The following TUT7 variants were observed in gnomAD, a reference collection of about 807,000 sequenced individuals.
TUT7 encodes the protein terminal uridylyltransferase 7.
A neutral mutation model predicts 165.9 loss-of-function variants in TUT7; 33 were observed. The ratio of observed to expected loss-of-function variants is 0.20; its 90% CI spans 0.15 to 0.27. The LOEUF is 0.27. TUT7 is among the 10% of genes least tolerant of loss of function. The probability of loss-of-function intolerance (pLI) is 1.00; values close to 1 mark genes in which losing one functional copy is unlikely to be tolerated. For missense variants in TUT7, 1,338 were observed against 1,762.3 expected, an observed-to-expected ratio of 0.76 and a Z score of 4.31; for synonymous variants, 552 against 608.1, an observed-to-expected ratio of 0.91 and a Z score of 1.36.
intron 16 of TUT7, among the ~76,000 whole-genome samples, chr9:86,318,290 A>G (rs1484069179): frequency 1.3e-5 from 2 of 152,186 alleles, no homozygotes; most frequent in African/African-American, 4.8e-5. Flanking sequence ...ATGGTCTCTT[A>G]CAACTACTAA....
At chr9:86,297,647 G>A (rs544971228) in intron 26 of TUT7, among the ~76,000 whole-genome samples, 1 of 152,264 alleles carries the variant, frequency 6.6e-6, no homozygotes, top group African/African-American at 2.4e-5. Flanking sequence ...GGGCAACATA[G>A]TGAGACCACA....
chr9:86,303,023 C>A, intron 25 of TUT7, 63 bp downstream of exon 25: 1 of 718,776 alleles, frequency 1.4e-6, no homozygotes. Flanking sequence ...AATAGTACCT[C>A]ATTTAAAAAT....
chr9:86,315,873 G>C (rs7854362), intron 17 of TUT7, among the ~76,000 whole-genome samples: 3 of 151,588 alleles, frequency 2.0e-5, no homozygotes, highest in African/African-American at 4.9e-5. Flanking sequence ...CCAAAATTAA[G>C]ATTTTTTTTC....
intron 8 of TUT7, among the ~76,000 whole-genome samples, chr9:86,339,263 AC>A (rs1831114425): frequency 6.6e-6 from 1 of 152,202 alleles, no homozygotes; most frequent in South Asian, 2.1e-4. Flanking sequence ...ATGGTGGCTC[AC>A]GCCTGTAATC....
chr9:86,335,950 C>A (rs1375463894), intron 10 of TUT7, among the ~76,000 whole-genome samples: 2 of 152,078 alleles, frequency 1.3e-5, no homozygotes, highest in Non-Finnish European at 2.9e-5. Context: ...GTATCACTAA[C>A]AAGGAAATAA....
At position 86,323,670 on chromosome 9, in the gene TUT7, G is replaced by A; in HGVS notation, c.2080C>T (p.Pro694Ser). 1 of 1,614,174 alleles carries A rather than the reference G, an allele frequency of 6.2e-7. No homozygotes were observed. The highest frequency in any genetic ancestry group is 1.3e-5 in the African/African-American group (1 of 75,052). Residue 694 changes from proline (P) to serine (S), a missense_variant, in exon 13 of 27, where the codon CCA (proline) becomes TCA (serine). Around this residue, in one of 7 missense-constraint regions of TUT7, gnomAD observed 425 missense variants for 474.9 expected, o/e 0.89. Transcript: ENST00000375963. ...TCAGCAGTCTCTTTAAGAGTAAGTG[G>A]CTGTACCTTACAGGTATTTGCAGCT... The part of the protein sequence containing the change: ...SSAANTCKVQ[P>S]LTLKETAESF...
At chr9:86,303,398 A>G (rs1385082845) in intron 24 of TUT7, among the ~76,000 whole-genome samples, 197 bp from the exon 25 acceptor site, 1 of 152,190 alleles carries the variant, frequency 6.6e-6, no homozygotes, top group Non-Finnish European at 1.5e-5. Flanking sequence ...AACTAAATCC[A>G]TTTTTGTTTA....
intron 10 of TUT7, among the ~76,000 whole-genome samples, chr9:86,331,427 ACAG>A (rs1157059880): frequency 2.0e-5 from 3 of 152,208 alleles, no homozygotes; most frequent in African/African-American, 7.2e-5. Flanking sequence ...TTTAGCTAAC[ACAG>A]GTGTCAATTG....
chr9:86,325,309 G>T, intron 12 of TUT7, 25 bp downstream of exon 12: 1 of 1,605,624 alleles, frequency 6.2e-7, no homozygotes, highest in Non-Finnish European at 8.5e-7. Flanking sequence ...GAGTGGGGGG[G>T]AATAAGATAA....
intron 26 of TUT7, among the ~76,000 whole-genome samples, chr9:86,295,376 A>C (rs1387498110): frequency 6.6e-6 from 1 of 152,174 alleles, no homozygotes; most frequent in Admixed American, 6.5e-5. Context: ...CATGCTTTGC[A>C]ACTACAATGA....
At chr9:86,335,023 T>G (rs1305842706) in intron 10 of TUT7, among the ~76,000 whole-genome samples, 1 of 152,210 alleles carries the variant, frequency 6.6e-6, no homozygotes. Flanking sequence ...TAGTTGTTAT[T>G]TGCAGAAGGA....
intron 26 of TUT7, among the ~76,000 whole-genome samples, chr9:86,293,085 C>T (rs1826017025): frequency 6.6e-6 from 1 of 151,846 alleles, no homozygotes; most frequent in African/African-American, 2.4e-5. Context: ...GATAAGAAAC[C>T]ATGCAAAAGT....
intron 11 of TUT7, 143 bp downstream of exon 11, chr9:86,328,197 G>A: frequency 1.5e-6 from 1 of 662,840 alleles, no homozygotes; most frequent in Non-Finnish European, 2.3e-6. Context: ...CTCATTACTT[G>A]TCTGTTCGAG....
rs747031538 is a variant in TUT7 at position 86,323,967 on chromosome 9, TA to T, written c.1790-8del. Reference sequence around the variant, plus strand: ...CTTTTAACAGAGTAGGGATCTGTAATAAAAAAAAGAAAGAAAGAAAAATCCA... The same window carrying T: ...CTTTTAACAGAGTAGGGATCTGTAATAAAAAAAGAAAGAAAGAAAAATCCA... On this transcript the variant is annotated splice_region_variant and splice_polypyrimidine_tract_variant and intron_variant, in intron 12 of 26. Transcript: ENST00000375963. The T allele has an allele frequency of 4.4e-5, 67 of 1,517,542 alleles. No homozygotes were observed. The highest frequency in any genetic ancestry group is 5.3e-5 in the Non-Finnish European group (60 of 1,130,754). 94.0% of individuals were successfully genotyped at this position (1,517,542 alleles called of 1,614,324 possible). A position where few individuals can be genotyped will look rare whatever the true frequency, so the allele number is the denominator to read the frequency against.
At chr9:86,348,766 A>C (rs1488445813) in intron 2 of TUT7, among the ~76,000 whole-genome samples, 1 of 152,050 alleles carries the variant, frequency 6.6e-6, no homozygotes, top group Admixed American at 6.6e-5. Flanking sequence ...ACAAACAAAC[A>C]AAAAAAGGAT....
chr9:86,342,980 T>TTCAAATATC lies in TUT7; in HGVS notation c.1086+86_1086+94dup, dbSNP rs567152520. The TTCAAATATC allele has an allele frequency of 3.6e-3, 3,184 of 877,092 alleles. 16 individuals carry two copies. Among genetic ancestry groups the TTCAAATATC allele is most frequent in the Non-Finnish European group, 4.9e-3 (2,797 of 569,706 alleles). 54.3% of individuals were successfully genotyped at this position (877,092 alleles called of 1,614,324 possible). A position where few individuals can be genotyped will look rare whatever the true frequency, so the allele number is the denominator to read the frequency against. ...ATGCTGTCATTACACTTAAAATATC[T>TTCAAATATC]TCAAATATCTAAAATATATTCATAG... On this transcript the variant is annotated intron_variant, in intron 6 of 26. Transcript: ENST00000375963.
At chr9:86,329,906 TTC>T (rs977772584) in intron 10 of TUT7, among the ~76,000 whole-genome samples, 19 of 152,162 alleles carry the variant, frequency 1.2e-4, no homozygotes, top group Admixed American at 6.5e-4. Context: ...CTCAAATGTT[TTC>T]TCTAAGGAGC....
At chr9:86,333,029 A>G (rs189216137) in intron 10 of TUT7, among the ~76,000 whole-genome samples, 1 of 152,188 alleles carries the variant, frequency 6.6e-6, no homozygotes, top group African/African-American at 2.4e-5. Flanking sequence ...AGTAGGTCTC[A>G]CTTTCTTGAC....
At chr9:86,353,994 A>T (rs926764682) in intron 1 of TUT7, among the ~76,000 whole-genome samples, 13 of 152,156 alleles carry the variant, frequency 8.5e-5, no homozygotes, top group African/African-American at 3.1e-4. Flanking sequence ...CCCGACGTGG[A>T]GAAAGAGGAG....
Sources: allele counts gnomAD v4.1 joint callset (sites outside exome capture counted in the v4.1 genomes callset), GRCh38; gene constraint gnomAD v4.1.1; regional missense constraint gnomAD v4.1.1; transcripts MANE v1.5; gene names NCBI Gene and HGNC (gene_info 2026-07-23, HGNC 2026-07-21).